Variants in MRPL39 observed in about 807,000 individuals in gnomAD.
MRPL39 encodes the protein large ribosomal subunit protein mL39.
MRPL39 carries 35 observed loss-of-function variants against 44.5 expected under a neutral mutation model. That is an observed-to-expected ratio of 0.79 (90% CI 0.60 to 1.04). The LOEUF (loss-of-function observed/expected upper bound fraction) is 1.04, where lower values mean the gene tolerates loss of function less well. Among genes scored for constraint, MRPL39 ranks in the 50% least tolerant of loss-of-function variants. The pLI is 0.00. For synonymous variants in MRPL39, 139 were observed against 136.1 expected, an observed-to-expected ratio of 1.02 and a Z score of -0.15; for missense variants, 433 against 413.5, an observed-to-expected ratio of 1.05 and a Z score of -0.41.
intron 9 of MRPL39, chr21:25,587,917 C>T: frequency 1.4e-6 from 1 of 701,530 alleles, no homozygotes; most frequent in Non-Finnish European, 2.5e-6. Context: ...GGAGGAAGTC[C>T]TAATGAGGAC....
At chr21:25,604,064 A>C in intron 2 of MRPL39, 129 bp from the exon 3 acceptor site, 1 of 868,212 alleles carries the variant, frequency 1.2e-6, no homozygotes, top group Non-Finnish European at 1.7e-6. Flanking sequence ...AGAGAAAAAA[A>C]GTATATTACG....
chr21:25,597,675 TATCCAAATTATATAATTTC>T (rs1477195412), intron 5 of MRPL39, among the ~76,000 whole-genome samples: 2 of 152,174 alleles, frequency 1.3e-5, no homozygotes, highest in African/African-American at 2.4e-5. Flanking sequence ...ACAGAAATTT[TATCCAAATTATATAATTTC>T]ATCCAAATTA....
Position 25,606,467 on chromosome 21 carries a change from G to C in MRPL39, c.262C>G (p.Pro88Ala), listed in dbSNP as rs1390435095. 1 of 1,609,934 alleles carries C rather than the reference G, an allele frequency of 6.2e-7. No homozygotes were observed. Among genetic ancestry groups the C allele is most frequent in the Non-Finnish European group, 8.5e-7 (1 of 1,177,992 alleles). ...VFVMNKNISTPYSCAMHLSEW... is the reference protein window; with the variant it reads ...VFVMNKNISTAYSCAMHLSEW... ...TACTTACGCATGGCACAACTGTAGG[G>C]AGTTGAAATGTTTTTATTCATCACG... The change falls in exon 2 of 10, where the codon CCC becomes GCC. Residue 88 changes from proline to alanine, a missense_variant. Physicochemically the swap from Pro to Ala is conservative, Grantham distance 27. Transcript: ENST00000352957.
At chr21:25,601,014 G>A (rs1261279575) in intron 4 of MRPL39, among the ~76,000 whole-genome samples, 10 of 151,942 alleles carry the variant, frequency 6.6e-5, no homozygotes, top group Non-Finnish European at 5.9e-5. Context: ...AGGGTGAGGC[G>A]GGAGAATGGT....
intron 6 of MRPL39, among the ~76,000 whole-genome samples, chr21:25,596,091 T>A (rs1032178821): frequency 6.6e-6 from 1 of 152,142 alleles, no homozygotes; most frequent in Non-Finnish European, 1.5e-5. Context: ...TTGAGTGCGA[T>A]GAGTAAAAAT....
At position 25,592,967 on chromosome 21, in the gene MRPL39, T is replaced by C; in HGVS notation, c.768-2A>G. 6.3e-7 allele frequency: 1 copy of C among 1,579,060 alleles called. No homozygotes were observed. The highest frequency in any genetic ancestry group is 8.6e-7 in the Non-Finnish European group (1 of 1,166,722). ...CTCACATCAATGAAGTCACCTATTCTGATTGATTTAAAAATAAATAAACAA... is the reference window on the plus strand; with the variant it reads ...CTCACATCAATGAAGTCACCTATTCCGATTGATTTAAAAATAAATAAACAA... On this transcript the variant is annotated splice_acceptor_variant, in intron 7 of 9. Transcript: ENST00000352957. LOFTEE classifies it high-confidence loss of function.
At chr21:25,590,845 G>A (rs2031153459) in intron 8 of MRPL39, among the ~76,000 whole-genome samples, 1 of 152,118 alleles carries the variant, frequency 6.6e-6, no homozygotes, top group African/African-American at 2.4e-5. Flanking sequence ...ACAGTAACAA[G>A]GGAGGAATTA....
At chr21:25,595,954 T>C (rs1391940044) in intron 6 of MRPL39, among the ~76,000 whole-genome samples, 1 of 152,232 alleles carries the variant, frequency 6.6e-6, no homozygotes, top group South Asian at 2.1e-4. Flanking sequence ...TGTACTCTAG[T>C]TAAAACAGTA....
rs1555852485 is a variant in MRPL39, at chr21:25,598,452, A to AAAGAG, written c.589-1039_589-1038insCTCTT. Among the ~76,000 whole-genome samples the AAAGAG allele has an allele frequency of 1.3e-3, 186 of 146,420 alleles. 1 individual carries two copies. Among genetic ancestry groups the AAAGAG allele is most frequent in the East Asian group, 7.3e-3 (37 of 5,064 alleles). The stretch of plus-strand genomic sequence containing the variant: ...CCCCATCTCTTTAAAAAAAAAAAAA[A>AAAGAG]AGAGAGAGAAAGAAAGAAAAAAGCA... On this transcript the variant is annotated intron_variant, in intron 5 of 9. Coordinates refer to ENST00000352957, the MANE Select transcript of MRPL39 (RefSeq NM_017446.4).
chr21:25,604,029 CA>C (rs2031596752), intron 2 of MRPL39, 94 bp from the exon 3 acceptor site: 2 of 1,140,420 alleles, frequency 1.8e-6, no homozygotes, highest in African/African-American at 3.3e-5. Flanking sequence ...AATGGAAAGG[CA>C]AGATTCTGCA....
chr21:25,590,183 T>C (rs140636456), intron 8 of MRPL39, among the ~76,000 whole-genome samples: 4 of 152,230 alleles, frequency 2.6e-5, no homozygotes, highest in Non-Finnish European at 2.9e-5. Context: ...TCAGAATATG[T>C]TTCAGAGTTA....
chr21:25,588,756 TC>T, intron 9 of MRPL39, 78 bp downstream of exon 9: 1 of 1,285,310 alleles, frequency 7.8e-7, no homozygotes, highest in South Asian at 1.3e-5. Flanking sequence ...CTTTCATTTT[TC>T]CCCCCTTTGG....
upstream of MRPL39, chr21:25,607,644 C>G: frequency 1.5e-6 from 1 of 671,398 alleles, no homozygotes; most frequent in Non-Finnish European, 2.5e-6. Flanking sequence ...GCTGAGACCC[C>G]GAGACTCGGA....
intron 4 of MRPL39, 91 bp from the exon 5 acceptor site, chr21:25,599,957 A>G: frequency 1.0e-6 from 1 of 960,900 alleles, no homozygotes; most frequent in Non-Finnish European, 1.7e-6. Flanking sequence ...GACCATAAAA[A>G]GGATTAGCAC....
rs769367558 is a variant in MRPL39, at chr21:25,585,656, T to C, written c.*51A>G. 22 of 1,013,038 alleles carry C rather than the reference T, an allele frequency of 2.2e-5. No individual in the cohort carries two copies. In the Admixed American group the frequency reaches 2.2e-4, roughly 10 times the overall value. 62.8% of individuals were successfully genotyped at this position (1,013,038 alleles called of 1,614,324 possible). On this transcript the variant is annotated 3_prime_UTR_variant, in exon 10 of 10. Coordinates refer to ENST00000352957, the MANE Select transcript of MRPL39 (RefSeq NM_017446.4). ...TAATCTGTATAAGCACACACAAACA[T>C]TATATTTAAAACATTTATTTTATTA... is the stretch of plus-strand genomic sequence containing the variant.
Position 25,588,738 on chromosome 21 carries a change from CTTTG to C in MRPL39, c.969+93_969+96del, listed in dbSNP as rs1444301916. 13 of 1,166,572 alleles carry C rather than the reference CTTTG, an allele frequency of 1.1e-5. No homozygotes were observed. The East Asian group carries it at 2.2e-4, about 19-fold the overall frequency. The allele number at this position is 1,166,572 out of a possible 1,614,324, so 72.3% of individuals were successfully genotyped here. A position where few individuals can be genotyped will look rare whatever the true frequency, so the allele number is the denominator to read the frequency against. On this transcript the variant is annotated intron_variant, in intron 9 of 9. Transcript: ENST00000352957. Reference sequence around the variant, plus strand: ...GAGACAACTTACTTTTTTCCTTTCTCTTTGTTTCTTTCATTTTTCCCCCCTTTGG... The same window carrying C: ...GAGACAACTTACTTTTTTCCTTTCTCTTTCTTTCATTTTTCCCCCCTTTGG...
At chr21:25,593,838 C>T in intron 7 of MRPL39, 55 bp downstream of exon 7, 1 of 1,446,244 alleles carries the variant, frequency 6.9e-7, no homozygotes, top group Non-Finnish European at 9.6e-7. Flanking sequence ...ATTCAGATAA[C>T]AATAAAGCTA....
At chr21:25,588,761 C>G (rs1601367807) in intron 9 of MRPL39, 74 bp downstream of exon 9, 1 of 1,325,684 alleles carries the variant, frequency 7.5e-7, no homozygotes, top group Non-Finnish European at 1.1e-6. Flanking sequence ...ATTTTTCCCC[C>G]CTTTGGTTGT....
At position 25,606,664 on chromosome 21, in the gene MRPL39, A is replaced by T. The variant is rs1278563407; in HGVS notation, c.74-9T>A. The T allele has an allele frequency of 6.3e-7, 1 of 1,598,082 alleles. No homozygotes were observed. Among genetic ancestry groups the T allele is most frequent in the South Asian group, 1.1e-5 (1 of 89,972 alleles). On this transcript the variant is annotated splice_polypyrimidine_tract_variant and intron_variant, in intron 1 of 9. Transcript: ENST00000352957. ...CGATGTTGCTATAAATCCTGTGGAG[A>T]AGTTACAATAAATATGAAGACTGAA...
Sources: allele counts gnomAD v4.1 joint callset (sites outside exome capture counted in the v4.1 genomes callset), GRCh38; gene constraint gnomAD v4.1.1; transcripts MANE v1.5; gene names NCBI Gene and HGNC (gene_info 2026-07-23, HGNC 2026-07-21).